CNGB3: variants seen among roughly 807,000 people sequenced by gnomAD.
CNGB3 encodes the protein cyclic nucleotide gated channel subunit beta 3.
A neutral mutation model predicts 92.8 loss-of-function variants in CNGB3; 86 were observed. The observed-to-expected ratio is 0.93, with a 90% confidence interval of 0.78 to 1.11. The LOEUF (loss-of-function observed/expected upper bound fraction) is 1.11. Among genes scored for constraint, CNGB3 ranks in the 50% least tolerant of loss-of-function variants. The probability of loss-of-function intolerance (pLI) is 0.00; values close to 1 mark genes in which losing one functional copy is unlikely to be tolerated. For missense variants in CNGB3, 1,026 were observed against 956.8 expected (o/e 1.07, Z -0.95); for synonymous variants, 333 against 332.7 (o/e 1.00, Z -0.01).
At chr8:86,694,776 T>C (rs2131641960) in intron 3 of CNGB3, among the ~76,000 whole-genome samples, 1 of 147,584 alleles carries the variant, frequency 6.8e-6, no homozygotes, top group African/African-American at 2.5e-5. Context: ...ACTTCCTAGA[T>C]GGGATGGTGG....
At chr8:86,712,961 GA>G (rs948728200) in intron 3 of CNGB3, among the ~76,000 whole-genome samples, 1 of 150,732 alleles carries the variant, frequency 6.6e-6, no homozygotes, top group African/African-American at 2.4e-5. Flanking sequence ...TTTAAAAAAA[GA>G]AAAAAGAAAA....
chr8:86,594,407 T>A (rs57924508), intron 15 of CNGB3: 6,221 of 287,652 alleles, frequency 0.022, 157 homozygotes, highest in African/African-American at 0.069. Flanking sequence ...AAACCAGGCG[T>A]GCTTGCTCCT....
intron 3 of CNGB3, among the ~76,000 whole-genome samples, chr8:86,674,470 A>G (rs1250456586): frequency 1.3e-5 from 2 of 152,086 alleles, no homozygotes; most frequent in African/African-American, 4.8e-5. Context: ...GATCCTTGCC[A>G]TTCTCCTCTG....
intron 4 of CNGB3, among the ~76,000 whole-genome samples, chr8:86,670,058 C>T (rs1823824767): frequency 6.6e-6 from 1 of 152,084 alleles, no homozygotes; most frequent in African/African-American, 2.4e-5. Context: ...CCATGTTGGC[C>T]AGGATGGTCT....
At chr8:86,644,889 C>T (rs955362743) in intron 8 of CNGB3, among the ~76,000 whole-genome samples, 1 of 150,768 alleles carries the variant, frequency 6.6e-6, no homozygotes, top group African/African-American at 2.4e-5. Flanking sequence ...CTTTATTTTG[C>T]TTTATTTTAT....
intron 15 of CNGB3, among the ~76,000 whole-genome samples, chr8:86,591,422 T>C (rs185885838): frequency 0.64 from 95,899 of 148,930 alleles, 33,181 homozygotes; most frequent in Non-Finnish European, 0.77. Flanking sequence ...CACTCTGATT[T>C]TTAGAGTTTC....
intron 3 of CNGB3, among the ~76,000 whole-genome samples, chr8:86,694,345 C>T (rs1245389027): frequency 6.5e-5 from 9 of 139,500 alleles, no homozygotes; most frequent in African/African-American, 2.2e-4. Context: ...GCTGGCCGGG[C>T]GGGGGGCTGA....
chr8:86,725,088 A>G (rs1825037856), intron 3 of CNGB3, among the ~76,000 whole-genome samples: 1 of 152,194 alleles, frequency 6.6e-6, no homozygotes, highest in South Asian at 2.1e-4. Context: ...AAAAGAATTT[A>G]TCCCCCAAAA....
At chr8:86,622,620 G>A (rs1379380549) in intron 13 of CNGB3, among the ~76,000 whole-genome samples, 1 of 151,958 alleles carries the variant, frequency 6.6e-6, no homozygotes, top group Admixed American at 6.6e-5. Flanking sequence ...AATTTATGTT[G>A]CCCAGGCTGA....
chr8:86,576,363 T>C (rs1821662278), intron 17 of CNGB3, among the ~76,000 whole-genome samples: 1 of 152,222 alleles, frequency 6.6e-6, no homozygotes, highest in Non-Finnish European at 1.5e-5. Context: ...TGCATTTTTT[T>C]GTCTCTGCCA....
chr8:86,638,776 A>G (rs542717832), intron 10 of CNGB3, among the ~76,000 whole-genome samples: 1 of 151,578 alleles, frequency 6.6e-6, no homozygotes, highest in Admixed American at 6.6e-5. Flanking sequence ...CTCCCCTGTC[A>G]TGCTTCTCAC....
intron 13 of CNGB3, among the ~76,000 whole-genome samples, chr8:86,617,944 G>A (rs543120288): frequency 1.4e-5 from 2 of 144,490 alleles, no homozygotes; most frequent in South Asian, 4.9e-4. Context: ...ATAACAAAAC[G>A]ATTATACATC....
chr8:86,638,013 A>G (rs1423533024), intron 10 of CNGB3, among the ~76,000 whole-genome samples: 1 of 152,122 alleles, frequency 6.6e-6, no homozygotes, highest in African/African-American at 2.4e-5. Context: ...TCTTTTACTC[A>G]GTATGGTTTT....
intron 12 of CNGB3, among the ~76,000 whole-genome samples, chr8:86,627,295 C>T (rs1021810750): frequency 4.6e-5 from 7 of 152,056 alleles, no homozygotes; most frequent in African/African-American, 7.2e-5. Context: ...CTAAGGGGTG[C>T]GAGGCAAGAA....
intron 13 of CNGB3, 93 bp downstream of exon 13, chr8:86,625,890 T>A: frequency 9.7e-7 from 1 of 1,030,522 alleles, no homozygotes; most frequent in South Asian, 1.4e-5. Context: ...TGTTAAAACA[T>A]AAGGCAAAAA....
chr8:86,648,090 T>C (rs1451707753), intron 7 of CNGB3, among the ~76,000 whole-genome samples: 1 of 151,194 alleles, frequency 6.6e-6, no homozygotes. Flanking sequence ...TCTTCCAACA[T>C]ATTTCATTTC....
chr8:86,659,050 C>T (rs1432325020), intron 6 of CNGB3: 2 of 935,186 alleles, frequency 2.1e-6, no homozygotes, highest in African/African-American at 3.2e-5. Flanking sequence ...TGCTGCTCCA[C>T]CTCAGAGGGC....
At chr8:86,697,096 A>C (rs954701949) in intron 3 of CNGB3, among the ~76,000 whole-genome samples, 2 of 152,144 alleles carry the variant, frequency 1.3e-5, no homozygotes, top group African/African-American at 4.8e-5. Flanking sequence ...GCAAATAACA[A>C]ACTGGCAAGA....
chr8:86,585,057 ATTATCT>A (rs1240483663), intron 15 of CNGB3, among the ~76,000 whole-genome samples: 1 of 152,170 alleles, frequency 6.6e-6, no homozygotes, highest in Non-Finnish European at 1.5e-5. Context: ...TAGGTATCTG[ATTATCT>A]TTAAGAAGAA....
Sources: allele counts gnomAD v4.1 joint callset (sites outside exome capture counted in the v4.1 genomes callset), GRCh38; gene constraint gnomAD v4.1.1; transcripts MANE v1.5; gene names NCBI Gene and HGNC (gene_info 2026-07-23, HGNC 2026-07-21).